The following ZFYVE26 variants were observed in gnomAD, a reference collection of about 807,000 sequenced individuals.
ZFYVE26 encodes zinc finger FYVE-type containing 26.
In ZFYVE26, 181 loss-of-function variants were observed where a neutral mutation model predicts 276.5. That is an observed-to-expected ratio of 0.65 (90% CI 0.58 to 0.74). ZFYVE26 has a LOEUF of 0.74. Among genes scored for constraint, ZFYVE26 ranks in the 30% least tolerant of loss-of-function variants. The pLI, the probability that ZFYVE26 is intolerant of heterozygous loss-of-function variation, is 0.00. For missense variants in ZFYVE26, 2,821 were observed against 3,097.9 expected (o/e 0.91, Z 2.12); for synonymous variants, 1,129 against 1,203.1 (o/e 0.94, Z 1.27).
At chr14:67,731,899 G>A (rs1266504861) in intron 13 of ZFYVE26, among the ~76,000 whole-genome samples, 1 of 151,902 alleles carries the variant, frequency 6.6e-6, no homozygotes, top group Non-Finnish European at 1.5e-5. Flanking sequence ...GGCTGAGGTG[G>A]GTGGATCACT....
intron 37 of ZFYVE26, among the ~76,000 whole-genome samples, chr14:67,754,469 T>G (rs985789599): frequency 6.6e-6 from 1 of 152,242 alleles, no homozygotes; most frequent in African/African-American, 2.4e-5. Context: ...AAGCATTTAT[T>G]GAGCACCTAT....
intron 21 of ZFYVE26, 57 bp downstream of exon 21, chr14:67,782,723 C>A: frequency 6.2e-7 from 1 of 1,605,064 alleles, no homozygotes; most frequent in East Asian, 2.2e-5. Flanking sequence ...GATAATATAC[C>A]CAGTGAATAC....
At chr14:67,790,918 A>G in intron 14 of ZFYVE26, 145 bp from the exon 15 acceptor site, 1 of 738,188 alleles carries the variant, frequency 1.4e-6, no homozygotes, top group Non-Finnish European at 2.4e-6. Flanking sequence ...GAATGTTAGA[A>G]GAGCAGGTCA....
At chr14:67,751,986 C>G (rs535340419) in intron 40 of ZFYVE26, among the ~76,000 whole-genome samples, 4 of 152,190 alleles carry the variant, frequency 2.6e-5, no homozygotes, top group African/African-American at 4.8e-5. Context: ...CTGTTCACTC[C>G]ACAAAGCCAC....
chr14:67,799,324 T>A (rs2040031815), intron 10 of ZFYVE26: 2 of 1,612,960 alleles, frequency 1.2e-6, no homozygotes, highest in Non-Finnish European at 1.7e-6. Context: ...TTCAGCAAGC[T>A]ATTGACGCCA....
chr14:67,783,462 G>C lies in ZFYVE26; in HGVS notation c.3690C>G (p.Cys1230Trp), dbSNP rs2039563619. Residue 1230 changes from cysteine to tryptophan, a missense_variant, in exon 21 of 42, where the codon TGC (cysteine) becomes TGG (tryptophan). Physicochemically the swap from Cys to Trp is radical, Grantham distance 215. Coordinates refer to ENST00000347230, the MANE Select transcript of ZFYVE26 (RefSeq NM_015346.4). The stretch of plus-strand genomic sequence containing the variant: ...AGCAAAGAGCAAGGGGCTCACAGCA[G>C]CAGCTGACGATGACCTGTGGCACAC... Reference protein sequence around the residue: ...SLSVPQVIVSCCCEPLALCSS... With the variant: ...SLSVPQVIVSWCCEPLALCSS... 3.1e-6 allele frequency: 5 copies of C among 1,614,084 alleles called. No individual in the cohort carries two copies. The highest frequency in any genetic ancestry group is 4.2e-6 in the Non-Finnish European group (5 of 1,180,038).
At chr14:67,784,462 T>C in intron 19 of ZFYVE26, 26 bp from the exon 20 acceptor site, 1 of 1,598,268 alleles carries the variant, frequency 6.3e-7, no homozygotes, top group Non-Finnish European at 8.6e-7. Context: ...ACATGATCTT[T>C]GTTTGCACCA....
chr14:67,793,546 T>C, intron 14 of ZFYVE26, 62 bp downstream of exon 14: 1 of 1,575,830 alleles, frequency 6.3e-7, no homozygotes, highest in Non-Finnish European at 8.6e-7. Flanking sequence ...TGGTTGTACA[T>C]GCTCCGAGCC....
chr14:67,750,952 T>C (rs2038620837), intron 41 of ZFYVE26, 100 bp downstream of exon 41: 2 of 1,421,406 alleles, frequency 1.4e-6, no homozygotes, highest in Non-Finnish European at 9.9e-7. Context: ...GAGATACGGG[T>C]TGTATGGAAC....
chr14:67,788,642 C>T (rs907864265), intron 16 of ZFYVE26, among the ~76,000 whole-genome samples: 2 of 152,164 alleles, frequency 1.3e-5, no homozygotes, highest in Non-Finnish European at 2.9e-5. Flanking sequence ...AGCTCTATGA[C>T]GATAAGCTGA....
chr14:67,755,134 G>C lies in ZFYVE26; in HGVS notation c.6903C>G (p.Ile2301Met), dbSNP rs548451230. ...WLLKAKDHLK[I>M]YLQETSRSSG... ...AGCTGCGGGATGTTTCTTGGAGGTA[G>C]ATCTTCAGGTGGTCCTTGGCCTTAA... is the stretch of plus-strand genomic sequence containing the variant. The change falls in exon 37 of 42, where the codon ATC (isoleucine) becomes ATG (methionine). Residue 2301 changes from isoleucine (I) to methionine (M), a missense_variant. By Grantham distance (10) the Ile-to-Met change is conservative. Coordinates refer to ENST00000347230, the MANE Select transcript of ZFYVE26 (RefSeq NM_015346.4). The C allele has an allele frequency of 1.9e-6, 3 of 1,614,198 alleles. No individual in the cohort carries two copies. The African/African-American group carries it at 4.0e-5, about 22-fold the overall frequency.
intron 35 of ZFYVE26, among the ~76,000 whole-genome samples, chr14:67,757,638 T>TTGTCTGTC (rs1286403787): frequency 2.3e-5 from 3 of 128,280 alleles, no homozygotes; most frequent in African/African-American, 8.7e-5. Context: ...GCAGATATTT[T>TTGTCTGTC]TGTCTTTCTT....
intron 7 of ZFYVE26, 43 bp from the exon 8 acceptor site, chr14:67,805,348 C>G: frequency 1.2e-6 from 2 of 1,613,700 alleles, no homozygotes; most frequent in Non-Finnish European, 1.7e-6. Flanking sequence ...ACTCAGGCAC[C>G]TGGGGTTACA....
chr14:67,776,198 G>C, intron 25 of ZFYVE26, 92 bp from the exon 26 acceptor site: 5 of 1,573,640 alleles, frequency 3.2e-6, no homozygotes, highest in Non-Finnish European at 4.3e-6. Flanking sequence ...AAGGGTGCAT[G>C]AGAACAAAAG....
rs2039551408 is a variant in ZFYVE26 at position 67,783,174 on chromosome 14, C to T, written c.3978G>A (p.Arg1326=). The T allele has an allele frequency of 6.2e-7, 1 of 1,609,576 alleles. No individual in the cohort carries two copies. ...ATVACLGASP[R]LKVSKPSLSW... The stretch of plus-strand genomic sequence containing the variant: ...ACAAGCTGGGTTTGCTGACCTTTAA[C>T]CTCGGGGAAGCCCCCAGGCAGGCCA... The change falls in exon 21 of 42, where the codon AGG becomes AGA. Residue 1326 remains arginine (R), a synonymous_variant. Coordinates refer to ENST00000347230, the MANE Select transcript of ZFYVE26 (RefSeq NM_015346.4).
chr14:67,729,106 C>T (rs1409598912), intron 14 of ZFYVE26: 2 of 1,369,248 alleles, frequency 1.5e-6, no homozygotes, highest in African/African-American at 2.8e-5. Context: ...CCCTCCTTCT[C>T]ACTTGTGTAT....
chr14:67,740,908 C>CA (rs201856776), intron 13 of ZFYVE26, among the ~76,000 whole-genome samples: 17,923 of 132,816 alleles, frequency 0.13, 1,076 homozygotes, highest in Admixed American at 0.16. Context: ...GACTCTGTCT[C>CA]AAAAAAAAAA....
intron 23 of ZFYVE26, 121 bp downstream of exon 23, chr14:67,780,120 G>T: frequency 2.1e-6 from 2 of 962,372 alleles, no homozygotes; most frequent in Non-Finnish European, 3.2e-6. Context: ...CGGCCAGAAT[G>T]TGGTATAGTT....
At position 67,762,329 on chromosome 14, in the gene ZFYVE26, A is replaced by C. The variant is rs1382906659; in HGVS notation, c.6243T>G (p.Ala2081=). ...MACLKAGNLT[A]AREKFSRCLK... ...GACAGCGACTGAACTTCTCCCGTGCAGCAGTGAGGTTCCCGGCTTTGAGGC... is the reference window on the plus strand; with the variant it reads ...GACAGCGACTGAACTTCTCCCGTGCCGCAGTGAGGTTCCCGGCTTTGAGGC... Residue 2081 remains alanine, a synonymous_variant, in exon 34 of 42, where the codon GCT becomes GCG. Coordinates refer to ENST00000347230, the MANE Select transcript of ZFYVE26 (RefSeq NM_015346.4). 1 of 1,614,218 alleles carries C rather than the reference A, an allele frequency of 6.2e-7. No homozygotes were observed. The highest frequency in any genetic ancestry group is 8.5e-7 in the Non-Finnish European group (1 of 1,180,038).
Sources: gnomAD v4.1 joint callset for allele counts (sites outside exome capture counted in the v4.1 genomes callset) on GRCh38, gnomAD v4.1.1 for gene constraint, MANE v1.5 for transcripts, NCBI Gene and HGNC (gene_info 2026-07-23, HGNC 2026-07-21) for gene names.